Variants in TRIM41 observed in about 807,000 individuals in gnomAD.
TRIM41 encodes the protein tripartite motif containing 41.
Under a neutral mutation model 60.6 loss-of-function variants are expected in TRIM41, and 21 were observed. That is an observed-to-expected ratio of 0.35 (90% confidence interval 0.25 to 0.50). The LOEUF (loss-of-function observed/expected upper bound fraction) is 0.50, where lower values mean the gene tolerates loss of function less well. Among genes scored for constraint, TRIM41 ranks in the 20% least tolerant of loss-of-function variants. The pLI, the probability that TRIM41 is intolerant of heterozygous loss-of-function variation, is 0.98. For missense variants in TRIM41, 846 were observed against 868.3 expected, an observed-to-expected ratio of 0.97 and a Z score of 0.32; for synonymous variants, 407 against 344.9, an observed-to-expected ratio of 1.18 and a Z score of -2.00.
Position 181,235,153 on chromosome 5 carries a change from T to A in TRIM41, c.*378T>A. 5 of 1,544,404 alleles carry A rather than the reference T, an allele frequency of 3.2e-6. No homozygotes were observed. The highest frequency in any genetic ancestry group is 4.4e-6 in the Non-Finnish European group (5 of 1,144,332). ...CCACCCCTGCTCTTCAACCTCTTTA[T>A]CAGTTCTGAGGCTGGAGGGTTTGGG... On this transcript the variant is annotated 3_prime_UTR_variant, in exon 6 of 6. Coordinates refer to ENST00000315073, the MANE Select transcript of TRIM41 (RefSeq NM_033549.5).
chr5:181,230,922 C>G, intron 2 of TRIM41, 83 bp downstream of exon 2: 2 of 1,281,880 alleles, frequency 1.6e-6, no homozygotes, highest in Non-Finnish European at 2.3e-6. Context: ...CAGGGAGTGA[C>G]TTGGTCCCCT....
chr5:181,224,905 A>G, intron 1 of TRIM41, 93 bp downstream of exon 1: 1 of 1,555,966 alleles, frequency 6.4e-7, no homozygotes, highest in Non-Finnish European at 8.8e-7. Flanking sequence ...TTCACCCACC[A>G]AAGAACCTCA....
In TRIM41 at chr5:181,233,917, A is replaced by T; in HGVS notation, c.1291+154A>T. On this transcript the variant is annotated intron_variant, in intron 5 of 5. Transcript: ENST00000315073. This position sits in a 1 kb window ranked among gnomAD's most constrained non-coding sequence, Gnocchi z 4.1. ...GAGGTTGAGGTTTCAAGCCATGAGC[A>T]GGTAGACCTAGTGCAGGCAGGCCTG... The T allele has an allele frequency of 7.6e-7, 1 of 1,311,318 alleles. No individual in the cohort carries two copies. Among genetic ancestry groups the T allele is most frequent in the South Asian group, 1.4e-5 (1 of 73,582 alleles). The allele number at this position is 1,311,318 out of a possible 1,614,324, so 81.2% of individuals were successfully genotyped here.
chr5:181,231,697 G>C (rs1441028360), intron 2 of TRIM41: 1 of 152,384 alleles, frequency 6.6e-6, no homozygotes, highest in Non-Finnish European at 1.5e-5. Flanking sequence ...AGCTGCCCAA[G>C]TTGATACTTT....
Position 181,224,824 on chromosome 5 carries a change from A to G in TRIM41, c.813+12A>G. 6.2e-7 allele frequency: 1 copy of G among 1,614,128 alleles called. No homozygotes were observed. The highest frequency in any genetic ancestry group is 8.5e-7 in the Non-Finnish European group (1 of 1,180,026). ...TGCAGGAGTACAAGGTGAGAGAAGT[A>G]CAGAGAGAAGATGGGAGTTTAGTGG... is the stretch of plus-strand genomic sequence containing the variant. On this transcript the variant is annotated intron_variant, in intron 1 of 5. Coordinates refer to ENST00000315073, the MANE Select transcript of TRIM41 (RefSeq NM_033549.5).
chr5:181,233,514 TCTC>T lies in TRIM41; in HGVS notation c.1163+82_1163+84del. ...CTGCTTCTCTTCGGTATCCCTCTCC[TCTC>T]CTTCCTTCCCCAGGACCTGAGTTTC... On this transcript the variant is annotated intron_variant, in intron 4 of 5. Transcript: ENST00000315073. This position sits in a 1 kb window ranked among gnomAD's most constrained non-coding sequence, Gnocchi z 4.1. The T allele has an allele frequency of 6.2e-7, 1 of 1,612,598 alleles. No homozygotes were observed. Among genetic ancestry groups the T allele is most frequent in the Non-Finnish European group, 8.5e-7 (1 of 1,178,846 alleles).
At position 181,235,074 on chromosome 5, in the gene TRIM41, AT is replaced by A; in HGVS notation, c.*302del. On this transcript the variant is annotated 3_prime_UTR_variant, in exon 6 of 6. Coordinates refer to ENST00000315073, the MANE Select transcript of TRIM41 (RefSeq NM_033549.5). ...TGCCTAGCCCAGCCCTGGGACTGGA[AT>A]TTGAGTAGGGGATGAGGGGAAATTG... 1 of 1,611,188 alleles carries A rather than the reference AT, an allele frequency of 6.2e-7. No individual in the cohort carries two copies. The highest frequency in any genetic ancestry group is 1.1e-5 in the South Asian group (1 of 90,852).
chr5:181,223,726 A>C lies in TRIM41; in HGVS notation c.-274A>C. 1.7e-6 allele frequency: 1 copy of C among 576,134 alleles called. No individual in the cohort carries two copies. Among genetic ancestry groups the C allele is most frequent in the South Asian group, 2.2e-5 (1 of 45,594 alleles). The allele number at this position is 576,134 out of a possible 1,614,324, so 35.7% of individuals were successfully genotyped here. On this transcript the variant is annotated 5_prime_UTR_variant, in exon 1 of 6. Transcript: ENST00000315073. ...CGGGGGTTTATGAGGAGTCCAAGGG[A>C]GCATTGGGGCAGACTTGTACTCAGA... is the stretch of plus-strand genomic sequence containing the variant.
At position 181,233,290 on chromosome 5, in the gene TRIM41, C is replaced by A; in HGVS notation, c.1141-123C>A. On this transcript the variant is annotated intron_variant, in intron 3 of 5. Transcript: ENST00000315073. This position sits in a 1 kb window ranked among gnomAD's most constrained non-coding sequence, Gnocchi z 4.1. ...GTGTTCATTGAGGGCCGTGAGGGTG[C>A]TGCTTCTCCCTTCCTGCTCAGGTTC... The A allele has an allele frequency of 9.8e-7, 1 of 1,019,456 alleles. No individual in the cohort carries two copies. Among genetic ancestry groups the A allele is most frequent in the Non-Finnish European group, 1.5e-6 (1 of 648,376 alleles). 63.2% of individuals were successfully genotyped at this position (1,019,456 alleles called of 1,614,324 possible).
chr5:181,232,533 G>A (rs1320289501), intron 2 of TRIM41, 126 bp from the exon 3 acceptor site: 1 of 868,490 alleles, frequency 1.2e-6, no homozygotes, highest in Non-Finnish European at 1.8e-6. Flanking sequence ...CCTCTTTCCG[G>A]GACTATCTTG....
In TRIM41 at chr5:181,234,820, TGGGTGGTGGA is replaced by T. The variant is rs754911265; in HGVS notation, c.*52_*61del. 6.4e-5 allele frequency: 102 copies of T among 1,605,292 alleles called. No homozygotes were observed. The highest frequency in any genetic ancestry group is 8.4e-5 in the Admixed American group (5 of 59,192). ...GGCCCCTCTGTCAGCACTTGGGGGG[TGGGTGGTGGA>T]GGGTGGCCCGTAAGTTTGAGGGCTC... On this transcript the variant is annotated 3_prime_UTR_variant, in exon 6 of 6. Transcript: ENST00000315073. The surrounding 1 kb of genome is among the most constrained non-coding windows in gnomAD (Gnocchi z 5.6).
chr5:181,232,470 C>A (rs1758844052), intron 2 of TRIM41, 189 bp from the exon 3 acceptor site: 1 of 591,322 alleles, frequency 1.7e-6, no homozygotes, highest in East Asian at 2.9e-5. Flanking sequence ...GAGTTTGAGA[C>A]CACTGTGCTG....
intron 1 of TRIM41, chr5:181,225,945 C>T (rs1758529761): frequency 6.6e-6 from 1 of 152,220 alleles, no homozygotes; most frequent in African/African-American, 2.4e-5. Context: ...CTCATGTTTT[C>T]AGACCTTCTC....
In TRIM41 at chr5:181,234,387, C is replaced by T. The variant is rs1038696155; in HGVS notation, c.1505C>T (p.Ala502Val). ...VGGRRGWAVG[A>V]ARESTHHKEK... ...GGGCGGCGGGGCTGGGCGGTGGGTG[C>T]TGCCCGTGAATCAACCCATCATAAG... Residue 502 changes from alanine (A) to valine (V), a missense_variant, in exon 6 of 6, where the codon GCT becomes GTT. By Grantham distance (64) the Ala-to-Val change is moderately conservative. Transcript: ENST00000315073. This position sits in a 1 kb window ranked among gnomAD's most constrained non-coding sequence, Gnocchi z 5.6. 3.2e-6 allele frequency: 5 copies of T among 1,550,796 alleles called. No homozygotes were observed. In the African/African-American group the frequency reaches 6.8e-5, roughly 21 times the overall value.
Position 181,232,892 on chromosome 5 carries a change from G to T in TRIM41, c.1140+3G>T. On this transcript the variant is annotated splice_donor_region_variant and intron_variant, in intron 3 of 5. Transcript: ENST00000315073. ...AGGGGGGTCTCCGGCTGCTCCAGGT[G>T]AGCAATGTCCCCTCCCTGTTCCCCC... 6.5e-7 allele frequency: 1 copy of T among 1,538,676 alleles called. No individual in the cohort carries two copies. The highest frequency in any genetic ancestry group is 1.2e-5 in the South Asian group (1 of 84,278).
Position 181,235,208 on chromosome 5 carries a change from T to C in TRIM41, c.*433T>C. On this transcript the variant is annotated 3_prime_UTR_variant, in exon 6 of 6. Transcript: ENST00000315073. ...GCAACATCCCCATTCCAATTCCATT[T>C]TCTGATGCAGATTTTAGCTGAGGGA... is the stretch of plus-strand genomic sequence containing the variant. The C allele has an allele frequency of 6.4e-7, 1 of 1,557,158 alleles. No individual in the cohort carries two copies. The highest frequency in any genetic ancestry group is 8.7e-7 in the Non-Finnish European group (1 of 1,147,984).
At chr5:181,232,340 G>C (rs1758838911) in intron 2 of TRIM41, 1 of 333,098 alleles carries the variant, frequency 3.0e-6, no homozygotes. Context: ...TGTGGGGATG[G>C]TCCCGATTTA....
rs1423747045 is a variant in TRIM41 at position 181,234,403 on chromosome 5, C to T, written c.1521C>T (p.Thr507=). Residue 507 remains threonine, a synonymous_variant, in exon 6 of 6, where the codon ACC becomes ACT. Coordinates refer to ENST00000315073, the MANE Select transcript of TRIM41 (RefSeq NM_033549.5). This position sits in a 1 kb window ranked among gnomAD's most constrained non-coding sequence, Gnocchi z 5.6. ...CGGTGGGTGCTGCCCGTGAATCAAC[C>T]CATCATAAGGAAAAGGTGGGCCCTG... The part of the protein sequence containing the change: ...GWAVGAARES[T]HHKEKVGPGG... 1.3e-6 allele frequency: 2 copies of T among 1,563,062 alleles called. No homozygotes were observed. Among genetic ancestry groups the T allele is most frequent in the Admixed American group, 1.9e-5 (1 of 52,308 alleles).
Position 181,230,768 on chromosome 5 carries a change from C to G in TRIM41, c.838C>G (p.Pro280Ala). The change falls in exon 2 of 6, where the codon CCA becomes GCA. Residue 280 changes from proline to alanine, a missense_variant. Pro to Ala is a conservative substitution (Grantham distance 27). Transcript: ENST00000315073. ...GGCCAAACTGCAGGGGCACGTGGAA[C>G]CACTGAGGAAGCACCTGGAGGCAGT... ...YKAKLQGHVE[P>A]LRKHLEAVQK... 6.2e-7 allele frequency: 1 copy of G among 1,613,194 alleles called. No individual in the cohort carries two copies. The highest frequency in any genetic ancestry group is 8.5e-7 in the Non-Finnish European group (1 of 1,179,484).
Sources: gnomAD v4.1 joint callset for allele counts on GRCh38, gnomAD v4.1.1 for gene constraint, Gnocchi (gnomAD v3.1) non-coding constraint, MANE v1.5 for transcripts, NCBI Gene and HGNC (gene_info 2026-07-23, HGNC 2026-07-21) for gene names.